NCOA2: variants seen among roughly 807,000 people sequenced by gnomAD.
The protein encoded by NCOA2 is nuclear receptor coactivator 2, also known as class E basic helix-loop-helix protein 75.
A neutral mutation model predicts 145.1 loss-of-function variants in NCOA2; 21 were observed. That is an observed-to-expected ratio of 0.14 (90% CI 0.10 to 0.21). The LOEUF (loss-of-function observed/expected upper bound fraction) is 0.21, where lower values mean the gene tolerates loss of function less well. NCOA2 is among the 10% of genes least tolerant of loss of function. The pLI is 1.00. For synonymous variants in NCOA2, 619 were observed against 637.5 expected (o/e 0.97, Z 0.44); for missense variants, 1,472 against 1,837.6 (o/e 0.80, Z 3.64).
chr8:70,187,655 A>G (rs1816227021), intron 4 of NCOA2, among the ~76,000 whole-genome samples: 1 of 152,236 alleles, frequency 6.6e-6, no homozygotes, highest in South Asian at 2.1e-4. Context: ...ACATATCACA[A>G]TTCAGTATCT....
the NCOA2 span, among the ~76,000 whole-genome samples, chr8:70,444,725 G>T: frequency 1.3e-5 from 2 of 152,156 alleles, no homozygotes; most frequent in African/African-American, 4.8e-5. Flanking sequence ...CAATTTCTCT[G>T]AACCTGGGGC....
Position 70,298,508 on chromosome 8 carries a change from TTAAG to T in NCOA2, c.-76-1712_-76-1709del, listed in dbSNP as rs1340769077. 3.3e-5 allele frequency among the ~76,000 whole-genome samples: 5 copies of T among 152,302 alleles called. No homozygotes were observed. The South Asian group carries it at 6.2e-4, about 19-fold the overall frequency. The stretch of plus-strand genomic sequence containing the variant: ...AGTCAGTGAATAGTGTGCAATAAAC[TTAAG>T]TAATAGGAGTCATCAACTCTTTCTA... On this transcript the variant is annotated intron_variant, in intron 1 of 22. Transcript: ENST00000452400.
At chr8:70,247,841 T>C (rs577255452) in intron 2 of NCOA2, among the ~76,000 whole-genome samples, 1 of 152,372 alleles carries the variant, frequency 6.6e-6, no homozygotes, top group East Asian at 1.9e-4. Context: ...GCTAAGATAA[T>C]GCCTTCTGCC....
chr8:70,306,122 A>G lies in NCOA2; in HGVS notation c.-76-9322T>C, dbSNP rs117415494. 4.6e-5 allele frequency among the ~76,000 whole-genome samples: 7 copies of G among 152,330 alleles called. No homozygotes were observed. In the East Asian group the frequency reaches 1.4e-3, roughly 29 times the overall value. On this transcript the variant is annotated intron_variant, in intron 1 of 22. Coordinates refer to ENST00000452400, the MANE Select transcript of NCOA2 (RefSeq NM_006540.4). ...GGTTCTAACAAAAACATTGAGGAAT[A>G]CTGGAGAAAACTGGATCCTATGGCA...
At chr8:70,173,175 T>C (rs1814442186) in intron 5 of NCOA2, among the ~76,000 whole-genome samples, 2 of 152,236 alleles carry the variant, frequency 1.3e-5, no homozygotes, top group African/African-American at 2.4e-5. Context: ...TTTGATTTTA[T>C]GACATCAGGT....
intron 2 of NCOA2, among the ~76,000 whole-genome samples, chr8:70,236,998 A>G (rs1563663718): frequency 6.6e-6 from 1 of 152,212 alleles, no homozygotes; most frequent in East Asian, 1.9e-4. Flanking sequence ...TGAAAGACAG[A>G]AAGGAAGTAT....
At chr8:70,124,528 A>T (rs1396524580) in intron 20 of NCOA2, among the ~76,000 whole-genome samples, 160 bp downstream of exon 20, 4 of 152,114 alleles carry the variant, frequency 2.6e-5, no homozygotes, top group Non-Finnish European at 5.9e-5. Context: ...CGACCAATTT[A>T]TGATAGAAAT....
At chr8:70,153,257 G>A (rs1378086890) in intron 11 of NCOA2, among the ~76,000 whole-genome samples, 1 of 152,172 alleles carries the variant, frequency 6.6e-6, no homozygotes, top group Non-Finnish European at 1.5e-5. Context: ...ACATGCATGT[G>A]TGCCTGTGTA....
intron 4 of NCOA2, among the ~76,000 whole-genome samples, chr8:70,199,631 T>C (rs953580258): frequency 6.6e-6 from 1 of 151,372 alleles, no homozygotes; most frequent in African/African-American, 2.4e-5. Flanking sequence ...TAAACAGGAG[T>C]GTAACTTCCT....
intron 14 of NCOA2, among the ~76,000 whole-genome samples, chr8:70,140,507 G>T (rs1810271791): frequency 6.6e-6 from 1 of 151,886 alleles, no homozygotes; most frequent in African/African-American, 2.4e-5. Context: ...TAGTAGTCTA[G>T]GTGGTGGCCC....
intron 1 of NCOA2, among the ~76,000 whole-genome samples, chr8:70,338,588 C>T (rs1461240666): frequency 6.6e-6 from 1 of 152,212 alleles, no homozygotes; most frequent in Middle Eastern, 3.4e-3. Context: ...ACTCATTCTA[C>T]GAGGCCAGCA....
At position 70,130,978 on chromosome 8, in the gene NCOA2, T is replaced by C. The variant is rs573172069; in HGVS notation, c.3324+859A>G. Among the ~76,000 whole-genome samples, 9 of 152,364 alleles carry C rather than the reference T, an allele frequency of 5.9e-5. No individual in the cohort carries two copies. The South Asian group carries it at 1.9e-3, about 32-fold the overall frequency. On this transcript the variant is annotated intron_variant, in intron 16 of 22. Transcript: ENST00000452400. ...TATTTACTATATCATTGCTATCAGG[T>C]ACTCTAAAAGCAGGGACTTCCTTTT...
In NCOA2 at chr8:70,224,612, C is replaced by G. The variant is rs139345696; in HGVS notation, c.-19-7848G>C. ...ATTTCTTAAAAGTGCTTATAAGGTGCAGATTTGTATGATTTTTTCCCAGTC... is the reference window on the plus strand; with the variant it reads ...ATTTCTTAAAAGTGCTTATAAGGTGGAGATTTGTATGATTTTTTCCCAGTC... On this transcript the variant is annotated intron_variant, in intron 2 of 22. Coordinates refer to ENST00000452400, the MANE Select transcript of NCOA2 (RefSeq NM_006540.4). 6.0e-4 allele frequency among the ~76,000 whole-genome samples: 91 copies of G among 152,110 alleles called. 1 individual carries two copies. In the East Asian group the frequency reaches 0.014, roughly 24 times the overall value.
intron 1 of NCOA2, among the ~76,000 whole-genome samples, chr8:70,348,780 G>A (rs549770564): frequency 6.6e-6 from 1 of 152,132 alleles, no homozygotes; most frequent in Non-Finnish European, 1.5e-5. Context: ...AGGGAAGTAA[G>A]GAGTTTCACT....
At chr8:70,159,223 T>TAC (rs1812624892) in intron 10 of NCOA2, among the ~76,000 whole-genome samples, 1 of 58,966 alleles carries the variant, frequency 1.7e-5, no homozygotes, top group Non-Finnish European at 3.0e-5. Flanking sequence ...AGTATAACAT[T>TAC]ATATATATAT....
the NCOA2 span, among the ~76,000 whole-genome samples, chr8:70,409,993 T>C: frequency 0.28 from 42,211 of 152,098 alleles, 7,896 homozygotes; most frequent in East Asian, 0.57. Context: ...CCGGATCACC[T>C]GAGGTCAGCA....
chr8:70,310,576 CA>C (rs1271869522), intron 1 of NCOA2, among the ~76,000 whole-genome samples: 5 of 151,998 alleles, frequency 3.3e-5, no homozygotes, highest in Non-Finnish European at 5.9e-5. Context: ...CATAAAGTAT[CA>C]GGTTAAAATA....
chr8:70,419,893 G>C, the NCOA2 span, among the ~76,000 whole-genome samples: 1 of 152,258 alleles, frequency 6.6e-6, no homozygotes, highest in Non-Finnish European at 1.5e-5. Flanking sequence ...TTTTAAACTT[G>C]ATTTAGGTAT....
intron 2 of NCOA2, among the ~76,000 whole-genome samples, chr8:70,238,848 A>G (rs1169121913): frequency 6.6e-6 from 1 of 152,170 alleles, no homozygotes; most frequent in East Asian, 1.9e-4. Flanking sequence ...CCACAAAATT[A>G]TACAGAACTT....
Sources: gnomAD v4.1 joint callset for allele counts (sites outside exome capture counted in the v4.1 genomes callset) on GRCh38, gnomAD v4.1.1 for gene constraint, MANE v1.5 for transcripts, NCBI Gene and HGNC (gene_info 2026-07-23, HGNC 2026-07-21) for gene names.